The following ROBO1 variants were observed in gnomAD, a reference collection of about 807,000 sequenced individuals.
The protein encoded by ROBO1 is roundabout homolog 1.
ROBO1 carries 149 observed loss-of-function variants against 195.9 expected under a neutral mutation model. The ratio of observed to expected loss-of-function variants is 0.76; its 90% CI spans 0.67 to 0.87. ROBO1 has a LOEUF of 0.87. ROBO1 is among the 40% of genes least tolerant of loss of function. The probability of loss-of-function intolerance (pLI) is 0.00; values close to 1 mark genes in which losing one functional copy is unlikely to be tolerated. For missense variants in ROBO1, 1,933 were observed against 2,068.3 expected, an observed-to-expected ratio of 0.93 and a Z score of 1.27; for synonymous variants, 816 against 733.2, an observed-to-expected ratio of 1.11 and a Z score of -1.82.
rs1180431139 is a variant in ROBO1 at position 79,575,148 on chromosome 3, A to AT, written c.88+14675_88+14676insA. 2.2e-5 allele frequency among the ~76,000 whole-genome samples: 3 copies of AT among 136,076 alleles called. 1 individual carries two copies. The highest frequency in any genetic ancestry group is 8.2e-5 in the African/African-American group (3 of 36,624). The allele number at this position is 136,076 out of a possible 152,430, so 89.3% of individuals were successfully genotyped here. A position where few individuals can be genotyped will look rare whatever the true frequency, so the allele number is the denominator to read the frequency against. On this transcript the variant is annotated intron_variant, in intron 2 of 30. Coordinates refer to ENST00000464233, the MANE Select transcript of ROBO1 (RefSeq NM_002941.4). The stretch of plus-strand genomic sequence containing the variant: ...ATATAAATATATATAACAAATATAT[A>AT]AATATATATATAACAAATATATATA...
chr3:78,876,303 C>T (rs1475402919), intron 4 of ROBO1, among the ~76,000 whole-genome samples: 1 of 151,978 alleles, frequency 6.6e-6, no homozygotes, highest in African/African-American at 2.4e-5. Context: ...GATTTAGAGA[C>T]AACTATACTT....
chr3:79,086,124 T>A (rs1042758761), intron 3 of ROBO1, among the ~76,000 whole-genome samples: 1 of 151,930 alleles, frequency 6.6e-6, no homozygotes, highest in Non-Finnish European at 1.5e-5. Context: ...TTTTTTTTTT[T>A]TAGGTGTTAT....
intron 10 of ROBO1, among the ~76,000 whole-genome samples, chr3:78,681,298 C>A (rs991603081): frequency 6.6e-6 from 1 of 151,832 alleles, no homozygotes; most frequent in African/African-American, 2.4e-5. Flanking sequence ...CTAACCTGCA[C>A]ATTGTGCACA....
chr3:78,820,402 C>A (rs745594056), intron 4 of ROBO1, among the ~76,000 whole-genome samples: 1 of 152,034 alleles, frequency 6.6e-6, no homozygotes, highest in African/African-American at 2.4e-5. Flanking sequence ...AGTAACTTAC[C>A]CAAAGACAGC....
chr3:79,577,717 A>AACACACACACACACACACACACAC (rs58998352), intron 2 of ROBO1, among the ~76,000 whole-genome samples: 5 of 140,634 alleles, frequency 3.6e-5, no homozygotes, highest in Non-Finnish European at 3.1e-5. Flanking sequence ...CTTTACTAAA[A>AACACACACACACACACACACACAC]ACACACACAC....
At chr3:78,895,014 T>C (rs1024193386) in intron 4 of ROBO1, among the ~76,000 whole-genome samples, 1 of 152,238 alleles carries the variant, frequency 6.6e-6, no homozygotes, top group African/African-American at 2.4e-5. Context: ...GTTCAGAGGC[T>C]GCACCTCCAA....
chr3:79,201,756 T>C (rs975265790), intron 2 of ROBO1, among the ~76,000 whole-genome samples: 2 of 151,842 alleles, frequency 1.3e-5, no homozygotes, highest in Non-Finnish European at 2.9e-5. Context: ...GTGAGGAGAA[T>C]TGGAGATAGT....
chr3:78,997,093 T>C (rs945688720), intron 3 of ROBO1, among the ~76,000 whole-genome samples: 1 of 152,200 alleles, frequency 6.6e-6, no homozygotes, highest in South Asian at 2.1e-4. Context: ...CATCCTACAA[T>C]GCATAGGACA....
At chr3:79,444,379 A>C (rs1363404422) in intron 2 of ROBO1, among the ~76,000 whole-genome samples, 1 of 152,160 alleles carries the variant, frequency 6.6e-6, no homozygotes, top group Non-Finnish European at 1.5e-5. Flanking sequence ...TAAGAGCAGT[A>C]AATGAAATAC....
chr3:79,715,775 C>T (rs990362535), intron 1 of ROBO1, among the ~76,000 whole-genome samples: 1 of 152,018 alleles, frequency 6.6e-6, no homozygotes, highest in Non-Finnish European at 1.5e-5. Flanking sequence ...GAGAAATATG[C>T]CACAATTTTA....
At chr3:78,799,561 T>C (rs1326017144) in intron 4 of ROBO1, among the ~76,000 whole-genome samples, 1 of 151,970 alleles carries the variant, frequency 6.6e-6, no homozygotes, top group Non-Finnish European at 1.5e-5. Context: ...CAGGATGGTC[T>C]CGATCTCCTG....
At position 79,652,213 on chromosome 3, in the gene ROBO1, A is replaced by T. The variant is rs78440287; in HGVS notation, c.-50-62252T>A. The stretch of plus-strand genomic sequence containing the variant: ...GTCTTGGTGAGATTCTCCAGGGGGA[A>T]TTCTAAGCAGAATTATTTAAATCCT... On this transcript the variant is annotated intron_variant, in intron 1 of 30. Coordinates refer to ENST00000464233, the MANE Select transcript of ROBO1 (RefSeq NM_002941.4). 6.5e-4 allele frequency among the ~76,000 whole-genome samples: 99 copies of T among 152,244 alleles called. 1 individual carries two copies. In the East Asian group the frequency reaches 0.017, roughly 27 times the overall value.
At chr3:79,534,148 C>CAAAAAAAAAAAAA (rs5850434) in intron 2 of ROBO1, among the ~76,000 whole-genome samples, 9 of 59,964 alleles carry the variant, frequency 1.5e-4, no homozygotes, top group African/African-American at 5.0e-4. Flanking sequence ...CTGGGGAAGG[C>CAAAAAAAAAAAAA]AAAAAAAAAA....
At chr3:79,097,036 C>G (rs1031604267) in intron 3 of ROBO1, among the ~76,000 whole-genome samples, 7 of 151,638 alleles carry the variant, frequency 4.6e-5, no homozygotes, top group African/African-American at 1.7e-4. Context: ...GTCAATTTCT[C>G]ATTATTAGCC....
intron 2 of ROBO1, among the ~76,000 whole-genome samples, chr3:79,318,832 A>T (rs2033852377): frequency 6.6e-6 from 1 of 152,206 alleles, no homozygotes; most frequent in Non-Finnish European, 1.5e-5. Context: ...AAGGTCTAAG[A>T]CAAAGAGCCA....
At chr3:78,608,237 G>C (rs1289587904) in intron 28 of ROBO1, among the ~76,000 whole-genome samples, 2 of 151,972 alleles carry the variant, frequency 1.3e-5, no homozygotes, top group East Asian at 3.9e-4. Context: ...TCAGCCTCCT[G>C]AGAAACTGGG....
rs184480236 is a variant in ROBO1 at position 79,228,835 on chromosome 3, T to C, written c.89-103296A>G. 1.3e-3 allele frequency among the ~76,000 whole-genome samples: 205 copies of C among 152,258 alleles called. 1 individual carries two copies. The highest frequency in any genetic ancestry group is 4.7e-3 in the African/African-American group (197 of 41,578). ...TGCAATCAACTGATCATCTGTAGCA[T>C]ATATTAGACTAATTGCTAACAATAC... On this transcript the variant is annotated intron_variant, in intron 2 of 30. Coordinates refer to ENST00000464233, the MANE Select transcript of ROBO1 (RefSeq NM_002941.4).
chr3:78,893,392 C>CAA (rs921136199), intron 4 of ROBO1, among the ~76,000 whole-genome samples: 5 of 152,084 alleles, frequency 3.3e-5, no homozygotes, highest in Non-Finnish European at 1.5e-5. Context: ...AATAAGGTGC[C>CAA]GTCTTGGAAA....
rs1247919233 is a variant in ROBO1 at position 79,249,695 on chromosome 3, G to C, written c.89-124156C>G. On this transcript the variant is annotated intron_variant, in intron 2 of 30. Coordinates refer to ENST00000464233, the MANE Select transcript of ROBO1 (RefSeq NM_002941.4). ...TAGAATGCAAGTTTGTAACCTAGAA[G>C]AAGAGCCTCAAAAAGAAATATAAGT... is the stretch of plus-strand genomic sequence containing the variant. Among the ~76,000 whole-genome samples the C allele has an allele frequency of 9.2e-5, 14 of 152,248 alleles. No individual in the cohort carries two copies. In the East Asian group the frequency reaches 2.7e-3, roughly 29 times the overall value.
Sources: gnomAD v4.1 joint callset for allele counts (sites outside exome capture counted in the v4.1 genomes callset) on GRCh38, gnomAD v4.1.1 for gene constraint, MANE v1.5 for transcripts, NCBI Gene and HGNC (gene_info 2026-07-23, HGNC 2026-07-21) for gene names.